CHD9: variants seen among roughly 807,000 people sequenced by gnomAD.
CHD9 encodes chromodomain helicase DNA binding protein 9.
Under a neutral mutation model 316.1 loss-of-function variants are expected in CHD9, and 77 were observed. The ratio of observed to expected loss-of-function variants is 0.24; its 90% CI spans 0.20 to 0.29. The LOEUF is 0.29. Among genes scored for constraint, CHD9 ranks in the 10% least tolerant of loss-of-function variants. CHD9 has a pLI of 1.00. For synonymous variants in CHD9, 1,129 were observed against 1,158.3 expected (o/e 0.97, Z 0.51); for missense variants, 2,763 against 3,438.1 (o/e 0.80, Z 4.91).
intron 21 of CHD9, 37 bp from the exon 22 acceptor site, chr16:53,267,890 G>C (rs1228517521): frequency 3.2e-6 from 5 of 1,544,070 alleles, no homozygotes; most frequent in Middle Eastern, 1.7e-4. Flanking sequence ...TCTAGAACTT[G>C]ACTCAATATC....
intron 36 of CHD9, among the ~76,000 whole-genome samples, chr16:53,316,803 G>C (rs2056912500): frequency 6.6e-6 from 1 of 152,064 alleles, no homozygotes; most frequent in South Asian, 2.1e-4. Context: ...TCTGAGGAAA[G>C]ATAAAGAAAA....
intron 1 of CHD9, among the ~76,000 whole-genome samples, chr16:53,090,694 C>T (rs1025208302): frequency 6.6e-6 from 1 of 152,154 alleles, no homozygotes. Flanking sequence ...CTCTTTCTCT[C>T]CAGCTGTAAA....
At chr16:53,088,903 G>A (rs574557304) in intron 1 of CHD9, among the ~76,000 whole-genome samples, 1 of 151,596 alleles carries the variant, frequency 6.6e-6, no homozygotes, top group East Asian at 2.0e-4. Flanking sequence ...CATGAGGTCA[G>A]GAGTTCGATA....
At chr16:53,136,736 C>CT (rs1476185395) in intron 1 of CHD9, among the ~76,000 whole-genome samples, 4 of 152,110 alleles carry the variant, frequency 2.6e-5, no homozygotes, top group Non-Finnish European at 5.9e-5. Context: ...TATGAACACA[C>CT]TTATTCTGCT....
chr16:53,220,150 T>G (rs1423095070), intron 3 of CHD9, among the ~76,000 whole-genome samples: 1 of 152,182 alleles, frequency 6.6e-6, no homozygotes, highest in Non-Finnish European at 1.5e-5. Context: ...GTAACTATGG[T>G]TGGTTCCTTA....
Position 53,078,320 on chromosome 16 carries a change from A to G in CHD9, c.-165+23243A>G, listed in dbSNP as rs985128983. On this transcript the variant is annotated intron_variant, in intron 1 of 38. Transcript: ENST00000447540. ...TAGAGGCCTCTTGAATTGATTCATG[A>G]TGTTTTCACAGGAAGGGGTTAGTTA... 4.6e-5 allele frequency among the ~76,000 whole-genome samples: 7 copies of G among 152,222 alleles called. No individual in the cohort carries two copies. In the East Asian group the frequency reaches 7.8e-4, roughly 17 times the overall value.
At chr16:53,321,229 T>C (rs1253272381) in intron 37 of CHD9, 1 of 1,327,902 alleles carries the variant, frequency 7.5e-7, no homozygotes, top group Non-Finnish European at 9.8e-7. Flanking sequence ...TAAGTCTAAC[T>C]CTAGAGGGTG....
chr16:53,297,331 C>A (rs1279521488), intron 30 of CHD9, among the ~76,000 whole-genome samples, 173 bp downstream of exon 30: 1 of 151,930 alleles, frequency 6.6e-6, no homozygotes, highest in Non-Finnish European at 1.5e-5. Flanking sequence ...ATTTGTTAAT[C>A]CTGCTATTAA....
intron 1 of CHD9, among the ~76,000 whole-genome samples, chr16:53,127,527 T>C (rs1458660944): frequency 6.6e-6 from 1 of 152,166 alleles, no homozygotes; most frequent in African/African-American, 2.4e-5. Flanking sequence ...GTTATAGCCT[T>C]TGGGGCCAGA....
At chr16:53,216,603 G>A (rs1377005812) in intron 3 of CHD9, among the ~76,000 whole-genome samples, 1 of 152,144 alleles carries the variant, frequency 6.6e-6, no homozygotes, top group Non-Finnish European at 1.5e-5. Context: ...TGCCTTGCCT[G>A]TCTCAGAGTT....
intron 30 of CHD9, 28 bp downstream of exon 30, chr16:53,297,186 T>G: frequency 6.4e-7 from 1 of 1,569,274 alleles, no homozygotes; most frequent in Non-Finnish European, 8.7e-7. Flanking sequence ...TTTTCCTGGT[T>G]TCGGTCAAAG....
At chr16:53,078,149 A>T (rs1010987941) in intron 1 of CHD9, among the ~76,000 whole-genome samples, 4 of 152,224 alleles carry the variant, frequency 2.6e-5, no homozygotes, top group Non-Finnish European at 5.9e-5. Context: ...TGTCCAATAT[A>T]TCACTTAAGT....
At chr16:53,079,050 T>A (rs142419047) in intron 1 of CHD9, among the ~76,000 whole-genome samples, 55 of 152,284 alleles carry the variant, frequency 3.6e-4, no homozygotes, top group African/African-American at 1.3e-3. Context: ...CCTAGGTTGG[T>A]TCAGCAAGAT....
chr16:53,105,499 G>C (rs911863991), intron 1 of CHD9, among the ~76,000 whole-genome samples: 5 of 151,960 alleles, frequency 3.3e-5, no homozygotes, highest in Non-Finnish European at 7.4e-5. Context: ...TCCATTGTAC[G>C]GGTATTCCAT....
chr16:53,109,011 G>T (rs766601445), intron 1 of CHD9, among the ~76,000 whole-genome samples: 4 of 152,216 alleles, frequency 2.6e-5, no homozygotes, highest in African/African-American at 4.8e-5. Flanking sequence ...GGGTGTATCT[G>T]GGGATAACTG....
intron 1 of CHD9, chr16:53,121,230 T>G (rs2038718564): frequency 2.5e-6 from 1 of 403,430 alleles, no homozygotes; most frequent in South Asian, 1.9e-5. Context: ...CTTTAAATAC[T>G]TGCTGAGTGA....
At position 53,304,234 on chromosome 16, in the gene CHD9, G is replaced by T; in HGVS notation, c.6228G>T (p.Glu2076Asp). 1 of 1,610,902 alleles carries T rather than the reference G, an allele frequency of 6.2e-7. No individual in the cohort carries two copies. The highest frequency in any genetic ancestry group is 8.5e-7 in the Non-Finnish European group (1 of 1,178,620). ...AAACCAGGACACTAATAAAATCTGAGCCTGTAAGTCCAAAGAATGGTGTTT... is the reference window on the plus strand; with the variant it reads ...AAACCAGGACACTAATAAAATCTGATCCTGTAAGTCCAAAGAATGGTGTTT... ...SVETRTLIKS[E>D]PVSPKNGVLP... is the part of the protein sequence containing the mutation. Residue 2076 changes from glutamate (E) to aspartate (D), a missense_variant, in exon 31 of 39, where the codon GAG becomes GAT. Glu to Asp is a conservative substitution (Grantham distance 45, BLOSUM62 2). Around this residue, in one of 15 missense-constraint regions of CHD9, gnomAD observed 663 missense variants for 751.2 expected, o/e 0.88. Transcript: ENST00000447540.
In CHD9 at chr16:53,304,215, G is replaced by A. The variant is rs779903861; in HGVS notation, c.6209G>A (p.Arg2070Lys). 34 of 1,611,072 alleles carry A rather than the reference G, an allele frequency of 2.1e-5. No homozygotes were observed. Among genetic ancestry groups the A allele is most frequent in the Non-Finnish European group, 1.7e-6 (2 of 1,178,622 alleles). Residue 2070 changes from arginine to lysine, a missense_variant, in exon 31 of 39, where the codon AGG (arginine) becomes AAG (lysine). Physicochemically the swap from Arg to Lys is conservative, Grantham distance 26. Transcript: ENST00000447540. ...GAATCTATGTCTTCTGTGGAAACCA[G>A]GACACTAATAAAATCTGAGCCTGTA... ...EEESMSSVETRTLIKSEPVSP... is the reference protein window; with the variant it reads ...EEESMSSVETKTLIKSEPVSP...
At chr16:53,279,717 C>T (rs1353023007) in intron 24 of CHD9, among the ~76,000 whole-genome samples, 1 of 152,116 alleles carries the variant, frequency 6.6e-6, no homozygotes, top group Non-Finnish European at 1.5e-5. Flanking sequence ...GCAAAAGGAA[C>T]AGTCAGCAGA....
Sources: gnomAD v4.1 joint callset for allele counts (sites outside exome capture counted in the v4.1 genomes callset) on GRCh38, gnomAD v4.1.1 for gene constraint, gnomAD v4.1.1 regional missense constraint, MANE v1.5 for transcripts, NCBI Gene and HGNC (gene_info 2026-07-23, HGNC 2026-07-21) for gene names.